Variants in SLC37A3 observed in about 807,000 individuals in gnomAD.
SLC37A3 encodes the protein sugar phosphate exchanger 3.
SLC37A3 carries 51 observed loss-of-function variants against 67.1 expected under a neutral mutation model. The observed-to-expected ratio is 0.76, with a 90% CI of 0.61 to 0.96. The LOEUF is 0.96. Ranked by LOEUF, SLC37A3 falls within the 40% of genes least tolerant of loss-of-function variation. SLC37A3 has a pLI of 0.00. For synonymous variants in SLC37A3, 214 were observed against 231.4 expected (o/e 0.92, Z 0.68); for missense variants, 508 against 603.0 (o/e 0.84, Z 1.65).
At chr7:140,338,180 C>T (rs867269209) in intron 13 of SLC37A3, among the ~76,000 whole-genome samples, 16 of 151,768 alleles carry the variant, frequency 1.1e-4, no homozygotes, top group South Asian at 6.2e-4. Context: ...GTACTGCGCC[C>T]GGCCCATTTT....
intron 5 of SLC37A3, among the ~76,000 whole-genome samples, chr7:140,362,586 G>C (rs1226591335): frequency 2.3e-4 from 20 of 87,140 alleles, no homozygotes; most frequent in South Asian, 4.5e-4. Flanking sequence ...CGCCCCGTCC[G>C]GGAGGTGAGG....
intron 1 of SLC37A3, among the ~76,000 whole-genome samples, chr7:140,384,182 G>A (rs1233154370): frequency 6.6e-6 from 1 of 152,056 alleles, no homozygotes; most frequent in Non-Finnish European, 1.5e-5. Flanking sequence ...CATTTGTCAC[G>A]AAGACTTTTT....
At chr7:140,355,405 G>A (rs1796982966) in intron 7 of SLC37A3, among the ~76,000 whole-genome samples, 1 of 151,884 alleles carries the variant, frequency 6.6e-6, no homozygotes, top group African/African-American at 2.4e-5. Context: ...GTAGAGACGA[G>A]GTTTCACCAT....
At chr7:140,340,596 G>A (rs556854971) in intron 13 of SLC37A3, among the ~76,000 whole-genome samples, 1 of 151,682 alleles carries the variant, frequency 6.6e-6, no homozygotes, top group Non-Finnish European at 1.5e-5. Flanking sequence ...AGCATGGGGG[G>A]CTCCAAACTG....
At chr7:140,362,392 G>A (rs1183087601) in intron 5 of SLC37A3, among the ~76,000 whole-genome samples, 5 of 138,118 alleles carry the variant, frequency 3.6e-5, no homozygotes, top group African/African-American at 8.1e-5. Context: ...GTCTCCGCCC[G>A]GCAGCCGCCC....
intron 7 of SLC37A3, among the ~76,000 whole-genome samples, chr7:140,353,904 G>A (rs952379391): frequency 6.6e-6 from 1 of 152,028 alleles, no homozygotes; most frequent in Admixed American, 6.6e-5. Flanking sequence ...TAGAGACAGG[G>A]TTTCATCATG....
intron 1 of SLC37A3, among the ~76,000 whole-genome samples, chr7:140,388,227 G>A (rs1585374899): frequency 6.6e-6 from 1 of 151,844 alleles, no homozygotes; most frequent in East Asian, 1.9e-4. Context: ...GAGCCCAGGA[G>A]TTTGAGACCA....
intron 13 of SLC37A3, chr7:140,337,731 G>A (rs1403200276): frequency 6.3e-6 from 1 of 159,898 alleles, no homozygotes; most frequent in African/African-American, 2.4e-5. Flanking sequence ...TTCCAATTAG[G>A]CTGTTTGCTC....
intron 5 of SLC37A3, among the ~76,000 whole-genome samples, chr7:140,364,046 C>T (rs1262024060): frequency 6.6e-6 from 1 of 152,138 alleles, no homozygotes; most frequent in African/African-American, 2.4e-5. Flanking sequence ...CACCTGAGGC[C>T]AGGAGATAAG....
intron 1 of SLC37A3, among the ~76,000 whole-genome samples, chr7:140,382,818 A>G (rs1220196081): frequency 6.6e-6 from 1 of 152,114 alleles, no homozygotes; most frequent in Non-Finnish European, 1.5e-5. Context: ...CTTAATAGAA[A>G]GAGCTCATAC....
intron 2 of SLC37A3, among the ~76,000 whole-genome samples, chr7:140,381,251 C>T (rs1284911969): frequency 4.0e-5 from 6 of 149,348 alleles, no homozygotes; most frequent in Non-Finnish European, 7.4e-5. Flanking sequence ...CGGTGGCTCA[C>T]GCCTATAGTC....
Position 140,380,327 on chromosome 7 carries a change from C to A in SLC37A3, c.153G>T (p.Gln51His), listed in dbSNP as rs1798201863. The change falls in exon 3 of 15, where the codon CAG becomes CAT. Residue 51 changes from glutamine to histidine, a missense_variant. Gln to His is a conservative substitution (Grantham distance 24). Coordinates refer to ENST00000326232, the MANE Select transcript of SLC37A3 (RefSeq NM_207113.3). ...FSNVKVSISE[Q>H]WTPSAFNTSV... ...ACGTGTTAAAAGCACTTGGGGTCCA[C>A]TGCTCAGAGATACTGACTTTGACAT... is the stretch of plus-strand genomic sequence containing the variant. The A allele has an allele frequency of 6.2e-7, 1 of 1,613,498 alleles. No individual in the cohort carries two copies. The highest frequency in any genetic ancestry group is 1.3e-5 in the African/African-American group (1 of 74,914).
intron 10 of SLC37A3, among the ~76,000 whole-genome samples, chr7:140,346,776 C>A (rs532243846): frequency 9.9e-5 from 15 of 152,006 alleles, no homozygotes; most frequent in African/African-American, 3.6e-4. Flanking sequence ...TGCCTATATT[C>A]CCAGCTACTT....
intron 1 of SLC37A3, among the ~76,000 whole-genome samples, chr7:140,391,697 A>C (rs1168733836): frequency 2.0e-5 from 3 of 152,230 alleles, no homozygotes; most frequent in Admixed American, 2.0e-4. Context: ...GATAAACTAT[A>C]AGTCTGCCTT....
In SLC37A3 at chr7:140,348,675, C is replaced by G; in HGVS notation, c.975G>C (p.Glu325Asp). 6.2e-7 allele frequency: 1 copy of G among 1,614,156 alleles called. No homozygotes were observed. The highest frequency in any genetic ancestry group is 8.5e-7 in the Non-Finnish European group (1 of 1,180,032). Residue 325 changes from glutamate to aspartate, a missense_variant, in exon 10 of 15, where the codon GAG (glutamate) becomes GAC (aspartate). Coordinates refer to ENST00000326232, the MANE Select transcript of SLC37A3 (RefSeq NM_207113.3). ...FYLSNNFGWK[E>D]AEADKLSIWY... ...AAATGGACAGCTTGTCGGCTTCCGC[C>G]TCCTTCCAGCCGAAGTTGTTACTCA...
intron 3 of SLC37A3, among the ~76,000 whole-genome samples, chr7:140,372,637 C>T (rs1251474604): frequency 8.5e-5 from 13 of 152,098 alleles, no homozygotes; most frequent in South Asian, 4.2e-4. Flanking sequence ...CCGAGGAGGG[C>T]GGATCACTTG....
intron 13 of SLC37A3, among the ~76,000 whole-genome samples, chr7:140,339,234 T>C (rs1168883439): frequency 2.0e-5 from 3 of 152,032 alleles, no homozygotes; most frequent in African/African-American, 7.2e-5. Flanking sequence ...GCAATAAATG[T>C]TGACATACAA....
intron 13 of SLC37A3, among the ~76,000 whole-genome samples, chr7:140,339,928 C>T (rs926927220): frequency 6.6e-5 from 10 of 151,962 alleles, no homozygotes; most frequent in Non-Finnish European, 8.8e-5. Context: ...TTAGTAGAGA[C>T]GGGGTTTCAC....
chr7:140,366,499 C>G (rs1216107513), intron 4 of SLC37A3, among the ~76,000 whole-genome samples: 1 of 152,056 alleles, frequency 6.6e-6, no homozygotes, highest in African/African-American at 2.4e-5. Flanking sequence ...AAACCATGAC[C>G]ATTGATTTTT....
Sources: allele counts gnomAD v4.1 joint callset (sites outside exome capture counted in the v4.1 genomes callset), GRCh38; gene constraint gnomAD v4.1.1; transcripts MANE v1.5; gene names NCBI Gene and HGNC (gene_info 2026-07-23, HGNC 2026-07-21).